PCDH7: variants seen among roughly 807,000 people sequenced by gnomAD.
The protein encoded by PCDH7 is protocadherin-7.
Under a neutral mutation model 58.9 loss-of-function variants are expected in PCDH7, and 17 were observed. The observed-to-expected ratio is 0.29, with a 90% CI of 0.20 to 0.43. The LOEUF (loss-of-function observed/expected upper bound fraction) is 0.43. PCDH7 is among the 20% of genes least tolerant of loss of function. The probability of loss-of-function intolerance (pLI) is 1.00; values close to 1 mark genes in which losing one functional copy is unlikely to be tolerated. For missense variants in PCDH7, 1,274 were observed against 1,441.0 expected (o/e 0.88, Z 1.88); for synonymous variants, 664 against 616.4 (o/e 1.08, Z -1.14).
intron 3 of PCDH7, among the ~76,000 whole-genome samples, chr4:31,016,749 G>C (rs1753634150): frequency 6.6e-6 from 1 of 152,040 alleles, no homozygotes; most frequent in Non-Finnish European, 1.5e-5. Context: ...TCTCAATACA[G>C]TGTCTCAAAG....
intron 3 of PCDH7, among the ~76,000 whole-genome samples, chr4:31,047,734 C>G (rs1253305478): frequency 6.6e-6 from 1 of 152,028 alleles, no homozygotes; most frequent in Admixed American, 6.6e-5. Flanking sequence ...AGCTCGCTCT[C>G]ATAATTGTGA....
At chr4:31,051,545 G>A (rs1756729818) in intron 3 of PCDH7, among the ~76,000 whole-genome samples, 1 of 152,086 alleles carries the variant, frequency 6.6e-6, no homozygotes, top group South Asian at 2.1e-4. Flanking sequence ...GTTAGAAGTT[G>A]CCATTCTACA....
intron 3 of PCDH7, among the ~76,000 whole-genome samples, chr4:31,037,050 G>A (rs1009847655): frequency 1.3e-5 from 2 of 152,082 alleles, no homozygotes; most frequent in Non-Finnish European, 2.9e-5. Context: ...GGGAATTGTG[G>A]GAGCTACAAT....
chr4:30,814,788 T>TA (rs1161128865), intron 1 of PCDH7, among the ~76,000 whole-genome samples: 1 of 152,176 alleles, frequency 6.6e-6, no homozygotes, highest in East Asian at 1.9e-4. Flanking sequence ...TGGAAAAAGT[T>TA]ACTAGCTCCT....
chr4:31,132,855 G>T (rs186462568), intron 3 of PCDH7, among the ~76,000 whole-genome samples: 2 of 152,148 alleles, frequency 1.3e-5, no homozygotes, highest in Non-Finnish European at 2.9e-5. Flanking sequence ...ATGGATTGTA[G>T]GAAAGAAGAC....
At chr4:30,987,094 A>AT (rs1430237219) in intron 3 of PCDH7, among the ~76,000 whole-genome samples, 2 of 152,134 alleles carry the variant, frequency 1.3e-5, no homozygotes, top group African/African-American at 4.8e-5. Flanking sequence ...AATTAGAGAA[A>AT]TTGGTCCTTT....
intron 3 of PCDH7, among the ~76,000 whole-genome samples, chr4:30,979,891 G>T (rs1750402736): frequency 6.6e-6 from 1 of 151,958 alleles, no homozygotes; most frequent in South Asian, 2.1e-4. Context: ...GCAAATTTTT[G>T]TCCACAGCTA....
chr4:30,937,119 A>G (rs1290105097), intron 2 of PCDH7, among the ~76,000 whole-genome samples: 2 of 152,130 alleles, frequency 1.3e-5, no homozygotes, highest in Admixed American at 1.3e-4. Flanking sequence ...AAACAAAGCA[A>G]TTAACTTTTT....
intron 3 of PCDH7, among the ~76,000 whole-genome samples, chr4:31,132,443 T>G (rs1010635209): frequency 1.3e-5 from 2 of 152,094 alleles, no homozygotes; most frequent in African/African-American, 4.8e-5. Flanking sequence ...AAGGCAATAT[T>G]AATATTTATC....
rs1265617328 is a variant in PCDH7 at position 30,721,590 on chromosome 4, C to T, written c.168C>T (p.Gly56=). The change falls in exon 1 of 2, where the codon GGC becomes GGT. Residue 56 remains glycine, a synonymous_variant. Coordinates refer to ENST00000361762, the Ensembl canonical transcript of PCDH7. This position sits in a 1 kb window ranked among gnomAD's most constrained non-coding sequence, Gnocchi z 6.7. ...TCGGCAACGTGGCTTCAGACCTGGG[C>T]ATCGTGACCGGATCGGGTGAGGTGA... The T allele has an allele frequency of 6.2e-7, 1 of 1,610,442 alleles. No homozygotes were observed. Among genetic ancestry groups the T allele is most frequent in the East Asian group, 2.2e-5 (1 of 44,850 alleles).
At chr4:30,778,596 A>T (rs931998733) in intron 1 of PCDH7, among the ~76,000 whole-genome samples, 2 of 152,136 alleles carry the variant, frequency 1.3e-5, no homozygotes, top group Non-Finnish European at 2.9e-5. Flanking sequence ...CTTTACTACA[A>T]AGAATTTTTT....
intron 3 of PCDH7, among the ~76,000 whole-genome samples, chr4:31,014,804 A>G (rs1753480501): frequency 6.6e-6 from 1 of 152,122 alleles, no homozygotes; most frequent in South Asian, 2.1e-4. Context: ...ATGTCCCTTT[A>G]CAGAGGCCTC....
intron 3 of PCDH7, among the ~76,000 whole-genome samples, chr4:31,006,661 GGT>G (rs1322011411): frequency 6.6e-6 from 1 of 152,100 alleles, no homozygotes; most frequent in African/African-American, 2.4e-5. Flanking sequence ...TGGATGCTGA[GGT>G]GGGCGGATTA....
chr4:30,789,384 C>T (rs887325342), intron 1 of PCDH7, among the ~76,000 whole-genome samples: 56 of 152,240 alleles, frequency 3.7e-4, no homozygotes, highest in African/African-American at 1.3e-3. Context: ...AACACTAGCC[C>T]CTGATGTTTA....
chr4:31,134,252 G>C (rs1055263440), intron 3 of PCDH7, among the ~76,000 whole-genome samples: 3 of 152,036 alleles, frequency 2.0e-5, no homozygotes, highest in East Asian at 3.9e-4. Flanking sequence ...ATGAGGTCAG[G>C]AGATCGAGAC....
At chr4:31,018,707 A>G (rs1753801043) in intron 3 of PCDH7, among the ~76,000 whole-genome samples, 1 of 152,192 alleles carries the variant, frequency 6.6e-6, no homozygotes, top group Non-Finnish European at 1.5e-5. Flanking sequence ...CTCATTTGTA[A>G]TACCTGACAG....
At chr4:31,119,410 G>A (rs1411723271) in intron 3 of PCDH7, among the ~76,000 whole-genome samples, 1 of 152,030 alleles carries the variant, frequency 6.6e-6, no homozygotes, top group African/African-American at 2.4e-5. Flanking sequence ...TCTATATAAA[G>A]TTTTTACCAA....
At chr4:30,858,395 A>G (rs1733765302) in intron 1 of PCDH7, among the ~76,000 whole-genome samples, 1 of 152,128 alleles carries the variant, frequency 6.6e-6, no homozygotes, top group Admixed American at 6.6e-5. Context: ...GACATTTTAC[A>G]AATAATTTTC....
At chr4:30,734,680 G>A (rs1446196326), downstream of PCDH7, among the ~76,000 whole-genome samples, 1 of 152,136 alleles carries the variant, frequency 6.6e-6, no homozygotes, top group Non-Finnish European at 1.5e-5. Context: ...AGGGACTGCT[G>A]TCAAGTTTTT....
Sources: allele counts gnomAD v4.1 joint callset (sites outside exome capture counted in the v4.1 genomes callset), GRCh38; gene constraint gnomAD v4.1.1; non-coding constraint Gnocchi (gnomAD v3.1); transcripts MANE v1.5; gene names NCBI Gene and HGNC (gene_info 2026-07-23, HGNC 2026-07-21).